Variants in DAB1 observed in about 807,000 individuals in gnomAD.
The protein encoded by DAB1 is DAB adaptor protein 1, also known as disabled homolog 1.
DAB1 carries 15 observed loss-of-function variants against 64.6 expected under a neutral mutation model. That is an observed-to-expected ratio of 0.23 (90% CI 0.16 to 0.36). The LOEUF (loss-of-function observed/expected upper bound fraction) is 0.36. Among genes scored for constraint, DAB1 ranks in the 10% least tolerant of loss-of-function variants. DAB1 has a pLI of 1.00. For missense variants in DAB1, 596 were observed against 706.7 expected (o/e 0.84, Z 1.78); for synonymous variants, 235 against 251.9 (o/e 0.93, Z 0.64).
intron 5 of DAB1, among the ~76,000 whole-genome samples, chr1:58,070,841 T>C (rs1274310014): frequency 6.6e-6 from 1 of 152,190 alleles, no homozygotes; most frequent in African/African-American, 2.4e-5. Flanking sequence ...TGAATGGAGC[T>C]GCTGCAAGCT....
At chr1:57,347,047 T>G (rs1387102280) in intron 1 of DAB1, among the ~76,000 whole-genome samples, 1 of 152,128 alleles carries the variant, frequency 6.6e-6, no homozygotes, top group Non-Finnish European at 1.5e-5. Context: ...ATAAAAGCTA[T>G]GATATCAACC....
chr1:57,662,923 G>T (rs1490650481), intron 6 of DAB1, among the ~76,000 whole-genome samples: 1 of 152,104 alleles, frequency 6.6e-6, no homozygotes, highest in Non-Finnish European at 1.5e-5. Flanking sequence ...TCTGCAATTT[G>T]GACTACCATG....
At chr1:57,848,178 T>C (rs1230660246) in intron 1 of DAB1, among the ~76,000 whole-genome samples, 4 of 152,248 alleles carry the variant, frequency 2.6e-5, no homozygotes, top group African/African-American at 9.6e-5. Flanking sequence ...TCCAAAGTGA[T>C]CATATAGGAT....
At position 57,339,273 on chromosome 1, in the gene DAB1, G is replaced by A. The variant is rs1208304405; in HGVS notation, c.-136-48107C>T. On this transcript the variant is annotated intron_variant, in intron 1 of 14. Coordinates refer to ENST00000371236, the MANE Select transcript of DAB1 (RefSeq NM_001365792.1). Reference sequence around the variant, plus strand: ...TGGGTTCATGCCATTCTCCTGCCTCGGCCTCCCGAGCAGCTGGGACTACAG... The same window carrying A: ...TGGGTTCATGCCATTCTCCTGCCTCAGCCTCCCGAGCAGCTGGGACTACAG... Among the ~76,000 whole-genome samples, 5 of 151,496 alleles carry A rather than the reference G, an allele frequency of 3.3e-5. No homozygotes were observed. In the East Asian group the frequency reaches 5.9e-4, roughly 18 times the overall value.
Position 57,831,062 on chromosome 1 carries a change from C to T in DAB1, n.88-4607G>A, listed in dbSNP as rs371720449. 7.1e-4 allele frequency among the ~76,000 whole-genome samples: 108 copies of T among 152,232 alleles called. 1 individual carries two copies. The highest frequency in any genetic ancestry group is 5.4e-3 in the South Asian group (26 of 4,818). ...CCGAGCAGCTGAGACTACAGGCGCC[C>T]GCCACCATGCTGGCTAATTTTTTGT... On this transcript the variant is annotated intron_variant and non_coding_transcript_variant, in intron 1 of 1. Transcript: ENST00000477280.
chr1:58,325,135 A>G (rs1662791978), intron 4 of DAB1, among the ~76,000 whole-genome samples: 1 of 152,138 alleles, frequency 6.6e-6, no homozygotes, highest in South Asian at 2.1e-4. Context: ...GGACAACTGA[A>G]TCCTGGGGCC....
chr1:57,127,802 G>A (rs1014841388), intron 4 of DAB1, among the ~76,000 whole-genome samples: 2 of 152,078 alleles, frequency 1.3e-5, no homozygotes, highest in African/African-American at 2.4e-5. Context: ...TTTATATGAC[G>A]TACTTAGCAC....
At chr1:58,438,222 T>C (rs1450412858) in intron 3 of DAB1, among the ~76,000 whole-genome samples, 3 of 152,208 alleles carry the variant, frequency 2.0e-5, no homozygotes, top group Non-Finnish European at 4.4e-5. Flanking sequence ...TATGACAGAA[T>C]TCTGCCTAAT....
At chr1:57,697,359 A>T (rs1001354245) in intron 6 of DAB1, among the ~76,000 whole-genome samples, 2 of 151,540 alleles carry the variant, frequency 1.3e-5, no homozygotes, top group Non-Finnish European at 2.9e-5. Context: ...TCGAAAATAA[A>T]AACTGGGATA....
At chr1:57,256,350 C>T (rs746274996) in intron 2 of DAB1, among the ~76,000 whole-genome samples, 1 of 152,146 alleles carries the variant, frequency 6.6e-6, no homozygotes, top group Non-Finnish European at 1.5e-5. Context: ...AGTAAGGGGT[C>T]TCTGAGGTTC....
intron 9 of DAB1, among the ~76,000 whole-genome samples, chr1:57,026,600 A>C (rs915001044): frequency 1.3e-5 from 2 of 152,224 alleles, no homozygotes; most frequent in African/African-American, 2.4e-5. Flanking sequence ...AAATTTTCTG[A>C]ATACAGAGAA....
intron 3 of DAB1, among the ~76,000 whole-genome samples, chr1:57,137,998 T>A (rs76047712): frequency 0.015 from 2,227 of 152,294 alleles, 50 homozygotes; most frequent in African/African-American, 0.045. Flanking sequence ...ATCCATCATT[T>A]TTTTGCATGG....
chr1:57,633,119 C>A (rs926495358), intron 7 of DAB1, among the ~76,000 whole-genome samples: 3 of 152,170 alleles, frequency 2.0e-5, no homozygotes, highest in Admixed American at 2.0e-4. Flanking sequence ...AGGATCTGAG[C>A]CCCTGAGTAG....
intron 2 of DAB1, among the ~76,000 whole-genome samples, chr1:57,273,888 T>A (rs1036552868): frequency 2.0e-5 from 3 of 152,006 alleles, no homozygotes; most frequent in Admixed American, 2.0e-4. Flanking sequence ...AAAGGAAAAG[T>A]CTGACCCAGG....
intron 1 of DAB1, among the ~76,000 whole-genome samples, chr1:57,384,176 T>C (rs1681603904): frequency 6.6e-6 from 1 of 152,082 alleles, no homozygotes; most frequent in Admixed American, 6.6e-5. Flanking sequence ...AAAATGCAAA[T>C]TAAAGCCACA....
intron 5 of DAB1, among the ~76,000 whole-genome samples, chr1:57,936,972 C>T (rs796712926): frequency 6.6e-5 from 10 of 152,154 alleles, no homozygotes; most frequent in African/African-American, 2.4e-4. Context: ...ACCTCAGGGC[C>T]TTTGCACCAA....
At chr1:58,060,559 G>A (rs542844894) in intron 5 of DAB1, among the ~76,000 whole-genome samples, 15 of 152,284 alleles carry the variant, frequency 9.9e-5, no homozygotes, top group African/African-American at 3.6e-4. Context: ...TTGAGAAACC[G>A]CAGATGCCCA....
chr1:57,093,254 T>G (rs1053486862), intron 4 of DAB1, among the ~76,000 whole-genome samples: 1 of 152,194 alleles, frequency 6.6e-6, no homozygotes, highest in African/African-American at 2.4e-5. Context: ...GTTAAAAATC[T>G]GGCACCTTGT....
At chr1:57,075,950 T>C (rs1395254768) in intron 4 of DAB1, among the ~76,000 whole-genome samples, 1 of 152,096 alleles carries the variant, frequency 6.6e-6, no homozygotes, top group Non-Finnish European at 1.5e-5. Context: ...GGGAGAGAAC[T>C]GAGAATGTTC....
Sources: gnomAD v4.1 joint callset for allele counts (sites outside exome capture counted in the v4.1 genomes callset) on GRCh38, gnomAD v4.1.1 for gene constraint, MANE v1.5 for transcripts, NCBI Gene and HGNC (gene_info 2026-07-23, HGNC 2026-07-21) for gene names.